The following DZIP1L variants were observed in gnomAD, a reference collection of about 807,000 sequenced individuals.
The protein encoded by DZIP1L is DAZ interacting zinc finger protein 1 like.
A neutral mutation model predicts 88.7 loss-of-function variants in DZIP1L; 90 were observed. The ratio of observed to expected loss-of-function variants is 1.02; its 90% CI spans 0.86 to 1.21. The LOEUF (loss-of-function observed/expected upper bound fraction) is 1.21, where lower values mean the gene tolerates loss of function less well. Ranked by LOEUF, DZIP1L falls within the 50% of genes most tolerant of loss-of-function variation. The probability of loss-of-function intolerance (pLI) is 0.00; values close to 1 mark genes in which losing one functional copy is unlikely to be tolerated. For synonymous variants in DZIP1L, 363 were observed against 372.1 expected, an observed-to-expected ratio of 0.98 and a Z score of 0.28; for missense variants, 932 against 955.8, an observed-to-expected ratio of 0.98 and a Z score of 0.33.
chr3:138,105,724 A>G (rs2042464251), intron 1 of DZIP1L, among the ~76,000 whole-genome samples: 2 of 152,128 alleles, frequency 1.3e-5, no homozygotes, highest in African/African-American at 4.8e-5. Context: ...TGGAGAGTCA[A>G]CATATATATA....
chr3:138,084,057 C>A, intron 8 of DZIP1L, 56 bp downstream of exon 8: 2 of 1,589,016 alleles, frequency 1.3e-6, no homozygotes, highest in Non-Finnish European at 1.7e-6. Flanking sequence ...AGGAGATCCT[C>A]ACAGGAAAGA....
intron 4 of DZIP1L, 21 bp from the exon 5 acceptor site, chr3:138,092,565 A>C: frequency 6.5e-7 from 1 of 1,548,882 alleles, no homozygotes; most frequent in Non-Finnish European, 8.6e-7. Flanking sequence ...GAGCAAGAAC[A>C]ATATGATGAT....
intron 1 of DZIP1L, among the ~76,000 whole-genome samples, chr3:138,111,507 G>A (rs2042619463): frequency 6.6e-6 from 1 of 152,162 alleles, no homozygotes; most frequent in African/African-American, 2.4e-5. Flanking sequence ...CTTGCTTCCT[G>A]AGCAGCCCTG....
intron 4 of DZIP1L, among the ~76,000 whole-genome samples, chr3:138,093,528 C>G (rs1473650961): frequency 6.6e-6 from 1 of 152,154 alleles, no homozygotes; most frequent in Admixed American, 6.6e-5. Flanking sequence ...AAGTGTGAAG[C>G]CAGGCTATAA....
At chr3:138,110,836 T>C (rs2042607104) in intron 1 of DZIP1L, among the ~76,000 whole-genome samples, 1 of 152,198 alleles carries the variant, frequency 6.6e-6, no homozygotes, top group South Asian at 2.1e-4. Context: ...AAACAGAGTG[T>C]GATCAAAGAG....
chr3:138,100,170 C>T (rs959827814), intron 2 of DZIP1L, among the ~76,000 whole-genome samples: 1 of 152,170 alleles, frequency 6.6e-6, no homozygotes, highest in East Asian at 1.9e-4. Context: ...CTCCAGCCTC[C>T]AGGGAGGGAA....
intron 14 of DZIP1L, among the ~76,000 whole-genome samples, chr3:138,066,933 C>T (rs1392056073): frequency 6.6e-6 from 1 of 152,148 alleles, no homozygotes; most frequent in Non-Finnish European, 1.5e-5. Flanking sequence ...TCGGACCCTC[C>T]CCGCCCCTGT....
chr3:138,114,830 C>G (rs2042666879), intron 1 of DZIP1L, among the ~76,000 whole-genome samples: 1 of 152,172 alleles, frequency 6.6e-6, no homozygotes, highest in Non-Finnish European at 1.5e-5. Flanking sequence ...GATGAAAATA[C>G]CACGTCTGCC....
In DZIP1L at chr3:138,102,234, T is replaced by A; in HGVS notation, c.501+1237A>T. 2.1e-6 allele frequency: 3 copies of A among 1,421,306 alleles called. No homozygotes were observed. In the South Asian group the frequency reaches 3.4e-5, roughly 16 times the overall value. 88.0% of individuals were successfully genotyped at this position (1,421,306 alleles called of 1,614,324 possible). On this transcript the variant is annotated intron_variant, in intron 2 of 15. Coordinates refer to ENST00000327532, the MANE Select transcript of DZIP1L (RefSeq NM_173543.3). ...CTGCAGCTCCCGGATCTCCTCTTCA[T>A]ACAGCTGCCTGAGGAAGTTGATCTC... is the stretch of plus-strand genomic sequence containing the variant.
Position 138,071,703 on chromosome 3 carries a change from T to A in DZIP1L, c.1555A>T (p.Arg519Ter), listed in dbSNP as rs147779217. Reference sequence around the variant, plus strand: ...CCATTCTCCTGTCTCTCCTTCGCTCTGCTGGTGACTTCCTTGACAAGCTTT... The same window carrying A: ...CCATTCTCCTGTCTCTCCTTCGCTCAGCTGGTGACTTCCTTGACAAGCTTT... ...RGKLVKEVTS[R>*]AKERQENGAV... Residue 519 changes from arginine to a stop codon, truncating the protein, a stop_gained, in exon 12 of 16, where the codon AGA becomes TGA. Transcript: ENST00000327532. LOFTEE classifies it high-confidence loss of function. The A allele has an allele frequency of 5.0e-5, 81 of 1,614,136 alleles. No individual in the cohort carries two copies. Among genetic ancestry groups the A allele is most frequent in the Non-Finnish European group, 6.2e-5 (73 of 1,180,052 alleles).
chr3:138,114,662 G>A (rs1428400819), intron 1 of DZIP1L, among the ~76,000 whole-genome samples: 2 of 152,134 alleles, frequency 1.3e-5, no homozygotes, highest in South Asian at 2.1e-4. Flanking sequence ...CGAATTCCAG[G>A]AGACCAGGCA....
In DZIP1L at chr3:138,080,557, A is replaced by G; in HGVS notation, c.1288+10T>C. 6.2e-7 allele frequency: 1 copy of G among 1,613,470 alleles called. No individual in the cohort carries two copies. The highest frequency in any genetic ancestry group is 8.5e-7 in the Non-Finnish European group (1 of 1,179,448). On this transcript the variant is annotated intron_variant, in intron 10 of 15. Coordinates refer to ENST00000327532, the MANE Select transcript of DZIP1L (RefSeq NM_173543.3). ...GCACTGGACACCCAGGAAAGAAAGT[A>G]AGGTCCCACCTTCCTCTGGAGAGTC...
In DZIP1L at chr3:138,080,594, C is replaced by A; in HGVS notation, c.1261G>T (p.Asp421Tyr). The change falls in exon 10 of 16, where the codon GAC (aspartate) becomes TAC (tyrosine). Residue 421 changes from aspartate (D) to tyrosine (Y), a missense_variant. By Grantham distance (160) the Asp-to-Tyr change is radical. Coordinates refer to ENST00000327532, the MANE Select transcript of DZIP1L (RefSeq NM_173543.3). ...EGIHKVPKAV[D>Y]TEEDSPEEEM... is the part of the protein sequence containing the mutation. ...TCCTCTGGAGAGTCCTCCTCTGTGT[C>A]CACAGCCTTTGGCACCTTGTGGATC... 1 of 1,613,812 alleles carries A rather than the reference C, an allele frequency of 6.2e-7. No homozygotes were observed. The highest frequency in any genetic ancestry group is 1.1e-5 in the South Asian group (1 of 91,050).
At chr3:138,102,016 G>T in intron 2 of DZIP1L, 2 of 1,475,836 alleles carry the variant, frequency 1.4e-6, no homozygotes, top group Non-Finnish European at 1.9e-6. Context: ...TTTGTATGCT[G>T]CAGGTCATCT....
rs926058523 is a variant in DZIP1L, at chr3:138,083,506, TAA to T, written c.1203+605_1203+606del. ...TGGGCAGAGAATTGTCAGCAACAGG[TAA>T]AGAGTCACAGGGGCCAGCTTTAGGA... On this transcript the variant is annotated intron_variant, in intron 8 of 15. Transcript: ENST00000327532. Among the ~76,000 whole-genome samples, 7 of 152,214 alleles carry T rather than the reference TAA, an allele frequency of 4.6e-5. No individual in the cohort carries two copies. In the South Asian group the frequency reaches 6.2e-4, roughly 14 times the overall value.
In DZIP1L at chr3:138,105,268, A is replaced by G. The variant is rs915172376; in HGVS notation, c.-81-1216T>C. Among the ~76,000 whole-genome samples the G allele has an allele frequency of 2.6e-5, 4 of 152,068 alleles. No individual in the cohort carries two copies. The East Asian group carries it at 7.7e-4, about 29-fold the overall frequency. On this transcript the variant is annotated intron_variant, in intron 1 of 15. Coordinates refer to ENST00000327532, the MANE Select transcript of DZIP1L (RefSeq NM_173543.3). ...AGGAGGGAGGGAAATGGGAGTGTGGAATGGGGATAAATAAATGGATGGATG... is the reference window on the plus strand; with the variant it reads ...AGGAGGGAGGGAAATGGGAGTGTGGGATGGGGATAAATAAATGGATGGATG...
chr3:138,092,135 T>G (rs1012790804), intron 5 of DZIP1L, among the ~76,000 whole-genome samples: 1 of 146,260 alleles, frequency 6.8e-6, no homozygotes, highest in Admixed American at 7.0e-5. Flanking sequence ...TAGCCTATCT[T>G]ACAGAAATAA....
At chr3:138,105,991 T>C (rs1367799727) in intron 1 of DZIP1L, among the ~76,000 whole-genome samples, 1 of 152,122 alleles carries the variant, frequency 6.6e-6, no homozygotes, top group Admixed American at 6.5e-5. Flanking sequence ...CATCATCTTC[T>C]ATCACTTTTA....
At chr3:138,078,385 C>T (rs558169232) in intron 10 of DZIP1L, among the ~76,000 whole-genome samples, 8 of 152,292 alleles carry the variant, frequency 5.3e-5, no homozygotes, top group South Asian at 2.1e-4. Context: ...GCCCATCTCT[C>T]GTCCCCCAAG....
Sources: allele counts gnomAD v4.1 joint callset (sites outside exome capture counted in the v4.1 genomes callset), GRCh38; gene constraint gnomAD v4.1.1; transcripts MANE v1.5; gene names NCBI Gene and HGNC (gene_info 2026-07-23, HGNC 2026-07-21).